The following XKR9 variants were observed in gnomAD, a reference collection of about 807,000 sequenced individuals.
XKR9 encodes the protein XK related 9.
Under a neutral mutation model 32.0 loss-of-function variants are expected in XKR9, and 32 were observed. The observed-to-expected ratio is 1.00, with a 90% CI of 0.76 to 1.34. The LOEUF is 1.34. Ranked by LOEUF, XKR9 falls within the 40% of genes most tolerant of loss-of-function variation. The pLI, the probability that XKR9 is intolerant of heterozygous loss-of-function variation, is 0.00. For missense variants in XKR9, 546 were observed against 429.7 expected (o/e 1.27, Z -2.39); for synonymous variants, 168 against 143.4 (o/e 1.17, Z -1.22).
the XKR9 span, among the ~76,000 whole-genome samples, chr8:70,843,707 T>C: frequency 6.6e-6 from 1 of 152,076 alleles, no homozygotes; most frequent in East Asian, 1.9e-4. Flanking sequence ...CTGTGGACTC[T>C]TACAATCTTA....
At chr8:70,843,755 T>C in the XKR9 span, among the ~76,000 whole-genome samples, 1 of 152,134 alleles carries the variant, frequency 6.6e-6, no homozygotes, top group Non-Finnish European at 1.5e-5. Flanking sequence ...AGGAATGGCA[T>C]AGTGACCTGC....
At chr8:70,947,832 T>C in the XKR9 span, among the ~76,000 whole-genome samples, 2 of 152,362 alleles carry the variant, frequency 1.3e-5, no homozygotes, top group African/African-American at 2.4e-5. Flanking sequence ...CAGGAAACTG[T>C]AAGGTATTTG....
At chr8:71,051,360 T>C in the XKR9 span, among the ~76,000 whole-genome samples, 1 of 152,214 alleles carries the variant, frequency 6.6e-6, no homozygotes, top group African/African-American at 2.4e-5. Flanking sequence ...TAACATTTTT[T>C]TCAATTAAAA....
chr8:70,889,404 C>A, the XKR9 span, among the ~76,000 whole-genome samples: 1 of 151,358 alleles, frequency 6.6e-6, no homozygotes, highest in East Asian at 1.9e-4. Flanking sequence ...AAACTTTTAT[C>A]GTTTCACCTT....
chr8:70,805,517 G>A, the XKR9 span, among the ~76,000 whole-genome samples: 1 of 152,200 alleles, frequency 6.6e-6, no homozygotes, highest in Non-Finnish European at 1.5e-5. Context: ...CTCCCTGGGT[G>A]GGGGAAGGGC....
chr8:70,708,955 G>A (rs60945893), intron 4 of XKR9, among the ~76,000 whole-genome samples: 11,059 of 151,986 alleles, frequency 0.073, 489 homozygotes, highest in Non-Finnish European at 0.089. Context: ...TCTGAGGTCA[G>A]CATCATTTTG....
chr8:70,853,885 C>A, the XKR9 span, among the ~76,000 whole-genome samples: 1 of 152,186 alleles, frequency 6.6e-6, no homozygotes, highest in South Asian at 2.1e-4. Flanking sequence ...GCATAGTATT[C>A]CATGGTGTAT....
chr8:70,777,728 A>G (rs902370664), intron 2 of XKR9, among the ~76,000 whole-genome samples: 4 of 152,030 alleles, frequency 2.6e-5, no homozygotes, highest in East Asian at 3.9e-4. Context: ...CATTTTTTTC[A>G]TATGTCTCTT....
Position 70,680,765 on chromosome 8 carries a change from A to G in XKR9, c.-278-16A>G, listed in dbSNP as rs1819049714. On this transcript the variant is annotated splice_polypyrimidine_tract_variant and intron_variant, in intron 2 of 4. Coordinates refer to ENST00000408926, the MANE Select transcript of XKR9 (RefSeq NM_001011720.2). ...ACTTAAGATATTTTGGAACTTAAAT[A>G]TCTGTTTTATTTTAGGTCTTGTCAT... The G allele has an allele frequency of 5.2e-6, 1 of 193,956 alleles. No individual in the cohort carries two copies. The highest frequency in any genetic ancestry group is 1.1e-5 in the Non-Finnish European group (1 of 94,908). 12.0% of individuals were successfully genotyped at this position (193,956 alleles called of 1,614,324 possible). A position where few individuals can be genotyped will look rare whatever the true frequency, so the allele number is the denominator to read the frequency against.
the XKR9 span, among the ~76,000 whole-genome samples, chr8:70,996,931 G>A: frequency 6.6e-6 from 1 of 152,180 alleles, no homozygotes. Context: ...CCTTGCTGAG[G>A]TTCTGCAGTT....
chr8:71,064,307 T>C, the XKR9 span, among the ~76,000 whole-genome samples: 1 of 152,154 alleles, frequency 6.6e-6, no homozygotes, highest in South Asian at 2.1e-4. Flanking sequence ...ATACTACTAC[T>C]GTCATCACAC....
At chr8:71,004,150 C>A in the XKR9 span, among the ~76,000 whole-genome samples, 1 of 152,142 alleles carries the variant, frequency 6.6e-6, no homozygotes, top group Non-Finnish European at 1.5e-5. Flanking sequence ...TGTTGTGAAT[C>A]ATGAACTTCC....
At chr8:70,712,524 A>G (rs1444299087) in intron 4 of XKR9, among the ~76,000 whole-genome samples, 2 of 152,106 alleles carry the variant, frequency 1.3e-5, no homozygotes, top group East Asian at 3.9e-4. Flanking sequence ...ATTATAATCC[A>G]TAAAACTGGG....
the XKR9 span, among the ~76,000 whole-genome samples, chr8:70,833,339 A>G: frequency 6.6e-6 from 1 of 152,236 alleles, no homozygotes; most frequent in African/African-American, 2.4e-5. Context: ...TCACTATGAC[A>G]GACAGTCCTT....
At chr8:71,024,961 T>G in the XKR9 span, among the ~76,000 whole-genome samples, 1 of 152,244 alleles carries the variant, frequency 6.6e-6, no homozygotes, top group Non-Finnish European at 1.5e-5. Flanking sequence ...TTGAAGCCCC[T>G]ATAATAATAG....
the XKR9 span, among the ~76,000 whole-genome samples, chr8:71,038,533 A>G: frequency 6.6e-6 from 1 of 150,578 alleles, no homozygotes; most frequent in Non-Finnish European, 1.5e-5. Flanking sequence ...GTTGGCCAGG[A>G]TGGTCTCAAT....
In XKR9 at chr8:70,674,913, TTA is replaced by T. The variant is rs1296853957; in HGVS notation, c.-279+18_-279+19del. On this transcript the variant is annotated intron_variant, in intron 2 of 4. Coordinates refer to ENST00000408926, the MANE Select transcript of XKR9 (RefSeq NM_001011720.2). ...TATATTTGACAAGTAAGTCTATGTT[TTA>T]TATGTGTTATATTTGGTTGACAAGG... 1 of 152,264 alleles carries T rather than the reference TTA, an allele frequency of 6.6e-6. No individual in the cohort carries two copies. Among genetic ancestry groups the T allele is most frequent in the African/African-American group, 2.4e-5 (1 of 41,466 alleles). 9.4% of individuals were successfully genotyped at this position (152,264 alleles called of 1,614,324 possible).
intron 3 of XKR9, among the ~76,000 whole-genome samples, chr8:70,700,328 C>T (rs1805473482): frequency 6.6e-6 from 1 of 152,100 alleles, no homozygotes; most frequent in Non-Finnish European, 1.5e-5. Flanking sequence ...TACTTTTGGT[C>T]TTTGATGATG....
chr8:71,034,644 T>C, the XKR9 span, among the ~76,000 whole-genome samples: 2 of 152,170 alleles, frequency 1.3e-5, no homozygotes, highest in Non-Finnish European at 2.9e-5. Flanking sequence ...AGTCTTAGTC[T>C]TTGATTCATC....
Sources: allele counts gnomAD v4.1 joint callset (sites outside exome capture counted in the v4.1 genomes callset), GRCh38; gene constraint gnomAD v4.1.1; transcripts MANE v1.5; gene names NCBI Gene and HGNC (gene_info 2026-07-23, HGNC 2026-07-21).